The following PKP4 variants were observed in gnomAD, a reference collection of about 807,000 sequenced individuals.
PKP4 encodes plakophilin-4.
In PKP4, 90 loss-of-function variants were observed where a neutral mutation model predicts 145.1. That is an observed-to-expected ratio of 0.62 (90% CI 0.52 to 0.74). The LOEUF (loss-of-function observed/expected upper bound fraction) is 0.74. Among genes scored for constraint, PKP4 ranks in the 30% least tolerant of loss-of-function variants. The pLI is 0.00. For synonymous variants in PKP4, 563 were observed against 577.2 expected (o/e 0.98, Z 0.35); for missense variants, 1,340 against 1,482.7 (o/e 0.90, Z 1.58).
chr2:158,567,975 G>C (rs925712230), intron 2 of PKP4, among the ~76,000 whole-genome samples: 1 of 152,180 alleles, frequency 6.6e-6, no homozygotes, highest in African/African-American at 2.4e-5. Context: ...AAGAGGGATG[G>C]TGGTTCCATT....
At chr2:158,544,874 T>C (rs1274721623) in intron 2 of PKP4, among the ~76,000 whole-genome samples, 1 of 152,148 alleles carries the variant, frequency 6.6e-6, no homozygotes, top group Non-Finnish European at 1.5e-5. Context: ...CATGAAGTGA[T>C]ATTTAAGGAA....
intron 2 of PKP4, among the ~76,000 whole-genome samples, chr2:158,568,315 G>A (rs1388485184): frequency 1.3e-5 from 2 of 152,120 alleles, no homozygotes; most frequent in Non-Finnish European, 2.9e-5. Flanking sequence ...TCCAGCCTGG[G>A]CAACAAGAGC....
At chr2:158,500,814 A>G (rs1043194970) in intron 1 of PKP4, among the ~76,000 whole-genome samples, 7 of 152,308 alleles carry the variant, frequency 4.6e-5, no homozygotes, top group South Asian at 2.1e-4. Context: ...CTGAGCTCCT[A>G]TGACAGTTTT....
At chr2:158,571,754 T>C (rs1276873729) in intron 2 of PKP4, among the ~76,000 whole-genome samples, 1 of 152,090 alleles carries the variant, frequency 6.6e-6, no homozygotes, top group African/African-American at 2.4e-5. Flanking sequence ...GAGGACTTAA[T>C]GAGGGTAAGA....
intron 3 of PKP4, among the ~76,000 whole-genome samples, chr2:158,598,024 C>T (rs2049911909): frequency 6.6e-6 from 1 of 152,026 alleles, no homozygotes; most frequent in African/African-American, 2.4e-5. Flanking sequence ...TAGGGTCTCA[C>T]TTTGTTGCCC....
intron 1 of PKP4, among the ~76,000 whole-genome samples, chr2:158,529,795 A>T (rs2043352475): frequency 6.6e-6 from 1 of 152,208 alleles, no homozygotes; most frequent in Admixed American, 6.5e-5. Flanking sequence ...TTTTAGTCTC[A>T]TTAGAGGCAG....
At chr2:158,668,323 C>T (rs1388933480) in intron 16 of PKP4, among the ~76,000 whole-genome samples, 1 of 152,160 alleles carries the variant, frequency 6.6e-6, no homozygotes, top group Non-Finnish European at 1.5e-5. Context: ...TCCTAGGAAC[C>T]TTCCCCTTCT....
chr2:158,542,892 C>T, intron 2 of PKP4, among the ~76,000 whole-genome samples: 1 of 152,136 alleles, frequency 6.6e-6, no homozygotes, highest in East Asian at 1.9e-4. Context: ...AATCAGTGAT[C>T]TCTATGGAAT....
At chr2:158,569,617 C>T (rs1371263618) in intron 2 of PKP4, among the ~76,000 whole-genome samples, 2 of 152,132 alleles carry the variant, frequency 1.3e-5, no homozygotes, top group Admixed American at 6.5e-5. Context: ...TAGTATAGTA[C>T]CTCTTAATTC....
intron 3 of PKP4, among the ~76,000 whole-genome samples, chr2:158,591,570 A>G (rs1574662261): frequency 6.6e-6 from 1 of 152,116 alleles, no homozygotes; most frequent in Non-Finnish European, 1.5e-5. Flanking sequence ...TAAATGTTGC[A>G]TAACAGTTTT....
chr2:158,598,274 T>C (rs2049932014), intron 3 of PKP4, among the ~76,000 whole-genome samples: 1 of 152,136 alleles, frequency 6.6e-6, no homozygotes, highest in Non-Finnish European at 1.5e-5. Flanking sequence ...AGCTTGTGTA[T>C]ACTTGTGATA....
At chr2:158,616,398 C>T (rs1259671760) in intron 4 of PKP4, among the ~76,000 whole-genome samples, 2 of 152,154 alleles carry the variant, frequency 1.3e-5, no homozygotes, top group Non-Finnish European at 2.9e-5. Flanking sequence ...TAGACTCCTT[C>T]GTAAGCCTGT....
At chr2:158,565,435 C>CTT (rs10690465) in intron 2 of PKP4, among the ~76,000 whole-genome samples, 48,551 of 135,476 alleles carry the variant, frequency 0.36, 9,637 homozygotes, top group East Asian at 0.6. Flanking sequence ...TTCTTTTTTC[C>CTT]TTTTTTTTTT....
At position 158,642,589 on chromosome 2, in the gene PKP4, G is replaced by A. The variant is rs982795339; in HGVS notation, c.1799G>A (p.Gly600Asp). ...ACGALRNLVF[G>D]KSTDENKIAM... ...GGTGCCCTTCGAAACCTCGTTTTTG[G>A]CAAGTCTACAGATGAAAATAAAATA... is the stretch of plus-strand genomic sequence containing the variant. Residue 600 changes from glycine to aspartate, a missense_variant, in exon 11 of 22, where the codon GGC (glycine) becomes GAC (aspartate). Transcript: ENST00000389759. 2 of 1,613,764 alleles carry A rather than the reference G, an allele frequency of 1.2e-6. No individual in the cohort carries two copies.
At chr2:158,488,332 A>G (rs181861610) in intron 1 of PKP4, among the ~76,000 whole-genome samples, 1 of 152,286 alleles carries the variant, frequency 6.6e-6, no homozygotes, top group Non-Finnish European at 1.5e-5. Context: ...CTTCTCATCA[A>G]CACTTTTCCG....
chr2:158,523,362 G>C (rs1250243452), intron 1 of PKP4, among the ~76,000 whole-genome samples: 1 of 102,314 alleles, frequency 9.8e-6, no homozygotes, highest in African/African-American at 3.8e-5. Flanking sequence ...CACCCCCCCA[G>C]CAGGGGCACA....
In PKP4 at chr2:158,668,499, GA is replaced by G. The variant is rs374467805; in HGVS notation, c.2729-1220del. Among the ~76,000 whole-genome samples the G allele has an allele frequency of 1.7e-3, 255 of 152,330 alleles. 1 individual carries two copies. Among genetic ancestry groups the G allele is most frequent in the African/African-American group, 5.8e-3 (240 of 41,580 alleles). ...TGTCTGGAGCTGCAAGTTCTGAGGG[GA>G]CCGCCAGGCTCACTCATTCATAGGC... On this transcript the variant is annotated intron_variant, in intron 16 of 21. Transcript: ENST00000389759.
intron 6 of PKP4, among the ~76,000 whole-genome samples, chr2:158,623,406 C>T (rs2052448419): frequency 1.3e-5 from 2 of 152,202 alleles, no homozygotes; most frequent in South Asian, 4.1e-4. Context: ...TGGTGTCAAG[C>T]TCCTGGCCTC....
chr2:158,565,806 T>C (rs904792266), intron 2 of PKP4, among the ~76,000 whole-genome samples: 1 of 152,218 alleles, frequency 6.6e-6, no homozygotes, highest in Non-Finnish European at 1.5e-5. Context: ...TGGTTATCAA[T>C]AATACATTGA....
Sources: allele counts gnomAD v4.1 joint callset (sites outside exome capture counted in the v4.1 genomes callset), GRCh38; gene constraint gnomAD v4.1.1; transcripts MANE v1.5; gene names NCBI Gene and HGNC (gene_info 2026-07-23, HGNC 2026-07-21).